The following ZNF497 variants were observed in gnomAD, a reference collection of about 807,000 sequenced individuals.
ZNF497 encodes the protein zinc finger protein 497, also known as zinc finger-like protein.
For missense variants in ZNF497, 930 were observed against 714.0 expected (o/e 1.30, Z -3.45); for synonymous variants, 422 against 313.7 (o/e 1.35, Z -3.65).
chr19:58,356,489 C>G lies in ZNF497; in HGVS notation c.1147G>C (p.Ala383Pro). 2.6e-6 allele frequency: 4 copies of G among 1,548,630 alleles called. No individual in the cohort carries two copies. The highest frequency in any genetic ancestry group is 2.6e-6 in the Non-Finnish European group (3 of 1,152,914). Residue 383 changes from alanine (A) to proline (P), a missense_variant, in exon 3 of 3, where the codon GCC becomes CCC. Ala to Pro is a conservative substitution (Grantham distance 27). Transcript: ENST00000311044. Reference sequence around the variant, plus strand: ...CAGTCGGCGCAGGCGAAGGGCTTGGCGCCCGAGTGCGTGCGCCGGTGGCTC... The same window carrying G: ...CAGTCGGCGCAGGCGAAGGGCTTGGGGCCCGAGTGCGTGCGCCGGTGGCTC... Reference protein sequence around the residue: ...LLSHRRTHSGAKPFACADCGK... With the variant: ...LLSHRRTHSGPKPFACADCGK...
In ZNF497 at chr19:58,357,009, T is replaced by C. The variant is rs1467384589; in HGVS notation, c.627A>G (p.Arg209=). ...FGRSTTLVQH[R]RTHTGEKPYE... Reference sequence around the variant, plus strand: ...AGGGCTTCTCGCCCGTGTGCGTGCGTCGGTGCTGCACCAGCGTGGTGCTTC... The same window carrying C: ...AGGGCTTCTCGCCCGTGTGCGTGCGCCGGTGCTGCACCAGCGTGGTGCTTC... Residue 209 remains arginine (R), a synonymous_variant, in exon 3 of 3, where the codon CGA becomes CGG. Coordinates refer to ENST00000311044, the MANE Select transcript of ZNF497 (RefSeq NM_198458.3). 3 of 1,591,374 alleles carry C rather than the reference T, an allele frequency of 1.9e-6. No individual in the cohort carries two copies. The highest frequency in any genetic ancestry group is 2.9e-5 in the African/African-American group (2 of 68,282).
rs376687155 is a variant in ZNF497, at chr19:58,357,126, G to A, written c.510C>T (p.Ala170=). The A allele has an allele frequency of 1.9e-6, 3 of 1,598,820 alleles. No individual in the cohort carries two copies. The highest frequency in any genetic ancestry group is 2.6e-6 in the Non-Finnish European group (3 of 1,169,192). Residue 170 remains alanine, a synonymous_variant, in exon 3 of 3, where the codon GCC becomes GCT. Coordinates refer to ENST00000311044, the MANE Select transcript of ZNF497 (RefSeq NM_198458.3). ...GGATGAGCTGCGAGTGCGCGCGGAAGGCCTTGCCGCACTCCCTGCAAGCGT... is the reference window on the plus strand; with the variant it reads ...GGATGAGCTGCGAGTGCGCGCGGAAAGCCTTGCCGCACTCCCTGCAAGCGT... ...KPYACRECGK[A]FRAHSQLIHH... is the part of the protein sequence containing the mutation.
intron 1 of ZNF497, among the ~76,000 whole-genome samples, chr19:58,362,124 C>T (rs951385985): frequency 9.2e-5 from 14 of 152,248 alleles, no homozygotes; most frequent in African/African-American, 3.4e-4. Flanking sequence ...CCAGCGCCCA[C>T]GCCCCCAACA....
rs775665786 is a variant in ZNF497 at position 58,357,518 on chromosome 19, C to T, written c.118G>A (p.Ala40Thr). ...GGAACCTCCGTGGAGTTTTCCCAGG[C>T]CCCCCAGCCTCCAGACACAGCCCCC... ...SEGAVSGGWG[A>T]WENSTEVPRE... Residue 40 changes from alanine (A) to threonine (T), a missense_variant, in exon 3 of 3, where the codon GCC becomes ACC. Transcript: ENST00000311044. The T allele has an allele frequency of 4.0e-5, 64 of 1,601,188 alleles. No homozygotes were observed. The highest frequency in any genetic ancestry group is 5.4e-5 in the Non-Finnish European group (63 of 1,174,360).
Position 58,356,112 on chromosome 19 carries a change from C to T in ZNF497, c.*27G>A. 6.6e-7 allele frequency: 1 copy of T among 1,509,812 alleles called. No individual in the cohort carries two copies. The highest frequency in any genetic ancestry group is 8.8e-7 in the Non-Finnish European group (1 of 1,133,576). 93.5% of individuals were successfully genotyped at this position (1,509,812 alleles called of 1,614,324 possible). A position where few individuals can be genotyped will look rare whatever the true frequency, so the allele number is the denominator to read the frequency against. On this transcript the variant is annotated 3_prime_UTR_variant, in exon 3 of 3. Coordinates refer to ENST00000311044, the MANE Select transcript of ZNF497 (RefSeq NM_198458.3). ...GAGACCCCGCAATGCCGTGTGTCCG[C>T]GACCTCCCGCTCAGGGCGTCCTCGG...
chr19:58,361,728 G>T, intron 1 of ZNF497, among the ~76,000 whole-genome samples: 1 of 152,260 alleles, frequency 6.6e-6, no homozygotes, highest in East Asian at 1.9e-4. Context: ...ACTTGTTACT[G>T]CATGTGAATT....
At position 58,357,656 on chromosome 19, in the gene ZNF497, CAG is replaced by C. The variant is rs1170573806; in HGVS notation, c.-14-9_-14-8del. 1 of 1,514,198 alleles carries C rather than the reference CAG, an allele frequency of 6.6e-7. No individual in the cohort carries two copies. Among genetic ancestry groups the C allele is most frequent in the Admixed American group, 2.3e-5 (1 of 44,088 alleles). The allele number at this position is 1,514,198 out of a possible 1,614,324, so 93.8% of individuals were successfully genotyped here. On this transcript the variant is annotated splice_polypyrimidine_tract_variant and splice_region_variant and intron_variant, in intron 2 of 2. Coordinates refer to ENST00000311044, the MANE Select transcript of ZNF497 (RefSeq NM_198458.3). The stretch of plus-strand genomic sequence containing the variant: ...TCCATCTCGCGCCTGTGACCTAAAA[CAG>C]GAGAGAAAAGGCAAGTACCTTAGAG...
intron 1 of ZNF497, among the ~76,000 whole-genome samples, chr19:58,362,222 A>T (rs1351098029): frequency 6.6e-6 from 1 of 152,210 alleles, no homozygotes; most frequent in African/African-American, 2.4e-5. Context: ...CGGAGTGGAT[A>T]AAGGGGAGGA....
At position 58,359,801 on chromosome 19, in the gene ZNF497, C is replaced by T. The variant is rs529952191; in HGVS notation, c.-111-1216G>A. Among the ~76,000 whole-genome samples the T allele has an allele frequency of 1.3e-3, 198 of 152,130 alleles. 2 individuals carry two copies. Among genetic ancestry groups the T allele is most frequent in the African/African-American group, 4.4e-3 (181 of 41,492 alleles). The stretch of plus-strand genomic sequence containing the variant: ...CAGCCTGGCCAACATGGTGAAACCC[C>T]GTCTCTACTAAAAATACAAAAATTA... On this transcript the variant is annotated intron_variant, in intron 1 of 2. Coordinates refer to ENST00000311044, the MANE Select transcript of ZNF497 (RefSeq NM_198458.3).
Position 58,356,501 on chromosome 19 carries a change from T to C in ZNF497, c.1135A>G (p.Thr379Ala), listed in dbSNP as rs2148005414. The C allele has an allele frequency of 1.3e-6, 2 of 1,548,264 alleles. No homozygotes were observed. Among genetic ancestry groups the C allele is most frequent in the Non-Finnish European group, 8.7e-7 (1 of 1,152,756 alleles). Residue 379 changes from threonine to alanine, a missense_variant, in exon 3 of 3, where the codon ACG (threonine) becomes GCG (alanine). Thr to Ala is a moderately conservative substitution (Grantham distance 58). Coordinates refer to ENST00000311044, the MANE Select transcript of ZNF497 (RefSeq NM_198458.3). ...QRSNLLSHRR[T>A]HSGAKPFACA... ...GCGAAGGGCTTGGCGCCCGAGTGCG[T>C]GCGCCGGTGGCTCAGTAGGTTGGAG...
rs777283216 is a variant in ZNF497 at position 58,357,636 on chromosome 19, C to T, written c.-1G>A. The stretch of plus-strand genomic sequence containing the variant: ...GGGTCCACCCTCTTGGGGACTCCAT[C>T]TCGCGCCTGTGACCTAAAACAGGAG... On this transcript the variant is annotated 5_prime_UTR_variant, in exon 3 of 3. Transcript: ENST00000311044. 26 of 1,520,072 alleles carry T rather than the reference C, an allele frequency of 1.7e-5. No homozygotes were observed. Among genetic ancestry groups the T allele is most frequent in the Non-Finnish European group, 2.3e-5 (26 of 1,136,242 alleles). 94.2% of individuals were successfully genotyped at this position (1,520,072 alleles called of 1,614,324 possible). A position where few individuals can be genotyped will look rare whatever the true frequency, so the allele number is the denominator to read the frequency against.
Position 58,357,393 on chromosome 19 carries a change from C to T in ZNF497, c.243G>A (p.Arg81=), listed in dbSNP as rs61732983. 5.9e-5 allele frequency: 94 copies of T among 1,595,572 alleles called. No individual in the cohort carries two copies. The African/African-American group carries it at 1.2e-3, about 21-fold the overall frequency. ...GRELGPADGG[R]DGAGPRSEPA... Reference sequence around the variant, plus strand: ...GCTCGCTCCTGGGCCCAGCCCCGTCCCGCCCACCGTCTGCGGGGCCCAGCT... The same window carrying T: ...GCTCGCTCCTGGGCCCAGCCCCGTCTCGCCCACCGTCTGCGGGGCCCAGCT... Residue 81 remains arginine (R), a synonymous_variant, in exon 3 of 3, where the codon CGG becomes CGA. Transcript: ENST00000311044.
Position 58,356,167 on chromosome 19 carries a change from T to C in ZNF497, c.1469A>G (p.Lys490Arg). ...GGGCGCAGCGCGGCCCCCGTGCCGC[T>C]TCTGGTGCTCGTTGAGGTTGCAACG... is the stretch of plus-strand genomic sequence containing the variant. The part of the protein sequence containing the change: ...SHRCNLNEHQ[K>R]RHGGRAAP Residue 490 changes from lysine to arginine, a missense_variant, in exon 3 of 3, where the codon AAG (lysine) becomes AGG (arginine). Lys to Arg is a conservative substitution (Grantham distance 26). Coordinates refer to ENST00000311044, the MANE Select transcript of ZNF497 (RefSeq NM_198458.3). 6.3e-7 allele frequency: 1 copy of C among 1,578,234 alleles called. No homozygotes were observed. The highest frequency in any genetic ancestry group is 1.1e-5 in the South Asian group (1 of 87,568).
intron 2 of ZNF497, 149 bp downstream of exon 2, chr19:58,358,340 C>T (rs1422938831): frequency 8.0e-7 from 1 of 1,248,312 alleles, no homozygotes; most frequent in Non-Finnish European, 1.0e-6. Context: ...TAAGGCCATG[C>T]CTGCCTGTCC....
rs749757933 is a variant in ZNF497 at position 58,360,692 on chromosome 19, C to CTTATT, written c.-112+1980_-112+1984dup. Reference sequence around the variant, plus strand: ...TACAGATGCCTGCCATCAGGCCTGGCTTATTTTATTTTATTTTATTTTATT... The same window carrying CTTATT: ...TACAGATGCCTGCCATCAGGCCTGGCTTATTTTATTTTATTTTATTTTATTTTATT... On this transcript the variant is annotated intron_variant, in intron 1 of 2. Coordinates refer to ENST00000311044, the MANE Select transcript of ZNF497 (RefSeq NM_198458.3). Among the ~76,000 whole-genome samples, 392 of 146,788 alleles carry CTTATT rather than the reference C, an allele frequency of 2.7e-3. 5 individuals carry two copies. The highest frequency in any genetic ancestry group is 5.2e-3 in the African/African-American group (207 of 39,686).
chr19:58,356,219 C>T lies in ZNF497; in HGVS notation c.1417G>A (p.Gly473Ser). ...THTGERPYACGECGKPFSHRC... is the reference protein window; with the variant it reads ...THTGERPYACSECGKPFSHRC... ...TGGCTGAAAGGCTTCCCGCACTCGC[C>T]GCAAGCGTAGGGCCTCTCGCCCGTG... is the stretch of plus-strand genomic sequence containing the variant. Residue 473 changes from glycine (G) to serine (S), a missense_variant, in exon 3 of 3, where the codon GGC becomes AGC. By Grantham distance (56) the Gly-to-Ser change is moderately conservative (BLOSUM62 0). Coordinates refer to ENST00000311044, the MANE Select transcript of ZNF497 (RefSeq NM_198458.3). 1.9e-6 allele frequency: 3 copies of T among 1,603,516 alleles called. No homozygotes were observed. Among genetic ancestry groups the T allele is most frequent in the Non-Finnish European group, 1.7e-6 (2 of 1,174,298 alleles).
rs2051999693 is a variant in ZNF497, at chr19:58,354,775, T to C, written c.*1364A>G. The C allele has an allele frequency of 6.6e-6, 1 of 152,408 alleles. No individual in the cohort carries two copies. Among genetic ancestry groups the C allele is most frequent in the South Asian group, 2.1e-4 (1 of 4,832 alleles). 9.4% of individuals were successfully genotyped at this position (152,408 alleles called of 1,614,324 possible). A position where few individuals can be genotyped will look rare whatever the true frequency, so the allele number is the denominator to read the frequency against. ...AACCAGGTGCTGAGGCCTGAAGTCA[T>C]AACCAGACCTGGGGCACTCAGACAA... is the stretch of plus-strand genomic sequence containing the variant. On this transcript the variant is annotated 3_prime_UTR_variant, in exon 3 of 3. Coordinates refer to ENST00000311044, the MANE Select transcript of ZNF497 (RefSeq NM_198458.3).
At position 58,356,491 on chromosome 19, in the gene ZNF497, C is replaced by G. The variant is rs755190500; in HGVS notation, c.1145G>C (p.Gly382Ala). ...GTCGGCGCAGGCGAAGGGCTTGGCGCCCGAGTGCGTGCGCCGGTGGCTCAG... is the reference window on the plus strand; with the variant it reads ...GTCGGCGCAGGCGAAGGGCTTGGCGGCCGAGTGCGTGCGCCGGTGGCTCAG... Reference protein sequence around the residue: ...NLLSHRRTHSGAKPFACADCG... With the variant: ...NLLSHRRTHSAAKPFACADCG... Residue 382 changes from glycine to alanine, a missense_variant, in exon 3 of 3, where the codon GGC becomes GCC. Transcript: ENST00000311044. The G allele has an allele frequency of 1.9e-6, 3 of 1,549,374 alleles. No individual in the cohort carries two copies. Among genetic ancestry groups the G allele is most frequent in the South Asian group, 2.3e-5 (2 of 85,158 alleles).
Position 58,356,405 on chromosome 19 carries a change from C to A in ZNF497, c.1231G>T (p.Glu411Ter). ...LAHHRLSHTG[E>*]RPFACAECGK... ...CATTCTGCGCAGGCGAAGGGTCGCT[C>A]TCCCGTGTGCGAAAGCCGGTGGTGC... is the stretch of plus-strand genomic sequence containing the variant. The change falls in exon 3 of 3, where the codon GAG becomes TAG. Residue 411 changes from glutamate to a stop codon, truncating the protein, a stop_gained. Transcript: ENST00000311044. LOFTEE classifies it low-confidence loss of function (END_TRUNC). The A allele has an allele frequency of 6.4e-7, 1 of 1,565,372 alleles. No homozygotes were observed. Among genetic ancestry groups the A allele is most frequent in the Non-Finnish European group, 8.6e-7 (1 of 1,160,140 alleles).
Sources: gnomAD v4.1 joint callset for allele counts (sites outside exome capture counted in the v4.1 genomes callset) on GRCh38, gnomAD v4.1.1 for gene constraint, MANE v1.5 for transcripts, NCBI Gene and HGNC (gene_info 2026-07-23, HGNC 2026-07-21) for gene names.